Variants in IRS1 observed in about 807,000 individuals in gnomAD.
The protein encoded by IRS1 is insulin receptor substrate 1.
In IRS1, 34 loss-of-function variants were observed where a neutral mutation model predicts 65.6. The ratio of observed to expected loss-of-function variants is 0.52; its 90% CI spans 0.39 to 0.69. The LOEUF is 0.69. IRS1 is among the 30% of genes least tolerant of loss of function. The probability of loss-of-function intolerance (pLI) is 0.00; values close to 1 mark genes in which losing one functional copy is unlikely to be tolerated. For missense variants in IRS1, 1,641 were observed against 1,720.2 expected (o/e 0.95, Z 0.81); for synonymous variants, 699 against 683.5 (o/e 1.02, Z -0.35).
rs377130631 is a variant in IRS1 at position 226,732,286 on chromosome 2, G to T, written c.*3986C>A. The T allele has an allele frequency of 6.6e-6, 1 of 151,898 alleles. No homozygotes were observed. Among genetic ancestry groups the T allele is most frequent in the Admixed American group, 6.6e-5 (1 of 15,224 alleles). The allele number at this position is 151,898 out of a possible 1,614,324, so 9.4% of individuals were successfully genotyped here. A position where few individuals can be genotyped will look rare whatever the true frequency, so the allele number is the denominator to read the frequency against. On this transcript the variant is annotated 3_prime_UTR_variant, in exon 2 of 2. Transcript: ENST00000305123. The stretch of plus-strand genomic sequence containing the variant: ...GACCACAAAGATCTTCTGTGGCGCT[G>T]CCTCAGAAAGGACCCATGGCCCCAG...
chr2:226,740,368 A>C lies in IRS1; in HGVS notation c.*22-4118T>G, dbSNP rs544012339. Among the ~76,000 whole-genome samples the C allele has an allele frequency of 5.9e-5, 9 of 152,350 alleles. 1 individual carries two copies. In the South Asian group the frequency reaches 1.9e-3, roughly 32 times the overall value. Reference sequence around the variant, plus strand: ...GTAATTTTTAAAGCATTATCAAATAAGTCAACACTTGAGCAATGCTACTTG... The same window carrying C: ...GTAATTTTTAAAGCATTATCAAATACGTCAACACTTGAGCAATGCTACTTG... On this transcript the variant is annotated intron_variant, in intron 1 of 1. Coordinates refer to ENST00000305123, the MANE Select transcript of IRS1 (RefSeq NM_005544.3).
At chr2:226,786,948 C>G (rs929020527) in intron 1 of IRS1, among the ~76,000 whole-genome samples, 1 of 151,942 alleles carries the variant, frequency 6.6e-6, no homozygotes, top group Admixed American at 6.6e-5. Flanking sequence ...AAGTGTTGGA[C>G]CTTTTCTTCA....
At chr2:226,738,544 A>G (rs1938373771) in intron 1 of IRS1, among the ~76,000 whole-genome samples, 1 of 152,258 alleles carries the variant, frequency 6.6e-6, no homozygotes, top group African/African-American at 2.4e-5. Flanking sequence ...CAAACAAAAA[A>G]GGAAGCATTC....
chr2:226,764,819 A>G (rs1938998026), intron 1 of IRS1, among the ~76,000 whole-genome samples: 1 of 152,196 alleles, frequency 6.6e-6, no homozygotes, highest in Admixed American at 6.5e-5. Context: ...TCAGAAATGG[A>G]CCAGCTGCCT....
rs1939713794 is a variant in IRS1 at position 226,796,055 on chromosome 2, T to TC, written c.2683dup (p.Glu895GlyfsTer6). 5 of 1,613,866 alleles carry TC rather than the reference T, an allele frequency of 3.1e-6. No individual in the cohort carries two copies. Among genetic ancestry groups the TC allele is most frequent in the Non-Finnish European group, 4.2e-6 (5 of 1,180,028 alleles). On this transcript the variant is annotated frameshift_variant, in exon 1 of 2. Coordinates refer to ENST00000305123, the MANE Select transcript of IRS1 (RefSeq NM_005544.3). LOFTEE classifies it high-confidence loss of function. Reference sequence around the variant, plus strand: ...ACTCCCAAATTCAATATTGACATATTCCCCCGGGCTCTTGGGCTCTGGAGG... The same window carrying TC: ...ACTCCCAAATTCAATATTGACATATTCCCCCCGGGCTCTTGGGCTCTGGAGG...
At position 226,799,283 on chromosome 2, in the gene IRS1, C is replaced by T; in HGVS notation, c.-545G>A. 1 of 1,178,316 alleles carries T rather than the reference C, an allele frequency of 8.5e-7. No individual in the cohort carries two copies. The allele number at this position is 1,178,316 out of a possible 1,614,324, so 73.0% of individuals were successfully genotyped here. On this transcript the variant is annotated 5_prime_UTR_variant, in exon 1 of 2. It introduces an in-frame stop codon into an upstream open reading frame of the 5' UTR. Coordinates refer to ENST00000305123, the MANE Select transcript of IRS1 (RefSeq NM_005544.3). The surrounding 1 kb of genome is among the most constrained non-coding windows in gnomAD (Gnocchi z 6.1). ...GTTCTCCCTCCTCCTTCGCCTCCTC[C>T]CACCCCCCAACCGTCCCAGCCGCCA... is the stretch of plus-strand genomic sequence containing the variant.
intron 1 of IRS1, among the ~76,000 whole-genome samples, chr2:226,767,752 TAATG>T (rs776544267): frequency 1.6e-4 from 24 of 152,188 alleles, no homozygotes; most frequent in Non-Finnish European, 2.8e-4. Context: ...GTGATGCTGG[TAATG>T]AATGTATGAA....
chr2:226,786,785 T>TAA (rs200340976), intron 1 of IRS1, among the ~76,000 whole-genome samples: 10 of 116,266 alleles, frequency 8.6e-5, no homozygotes, highest in South Asian at 2.5e-4. Context: ...CTTGGTAGTC[T>TAA]AAAAAAAAAA....
intron 1 of IRS1, among the ~76,000 whole-genome samples, chr2:226,788,570 A>G (rs1196052205): frequency 6.6e-6 from 1 of 152,180 alleles, no homozygotes; most frequent in Non-Finnish European, 1.5e-5. Context: ...ATCATACATG[A>G]CAGTACCTTA....
intron 1 of IRS1, among the ~76,000 whole-genome samples, chr2:226,737,143 C>T (rs975706629): frequency 7.2e-6 from 1 of 139,756 alleles, no homozygotes; most frequent in African/African-American, 2.7e-5. Context: ...CTTCCTGCAT[C>T]CATGTGATCT....
intron 1 of IRS1, among the ~76,000 whole-genome samples, chr2:226,768,483 A>G (rs1939098889): frequency 6.6e-6 from 1 of 152,222 alleles, no homozygotes; most frequent in Non-Finnish European, 1.5e-5. Flanking sequence ...TAAGCAAATA[A>G]TCATCAATAA....
chr2:226,755,657 G>A (rs1441813583), intron 1 of IRS1, among the ~76,000 whole-genome samples: 6 of 152,210 alleles, frequency 3.9e-5, no homozygotes, highest in Non-Finnish European at 1.5e-5. Flanking sequence ...ACTGGGGGAA[G>A]TCTGTTTCTT....
chr2:226,753,268 ATAAAGGTAC>A (rs1938719169), intron 1 of IRS1, among the ~76,000 whole-genome samples: 1 of 152,224 alleles, frequency 6.6e-6, no homozygotes, highest in Admixed American at 6.5e-5. Context: ...ATCACTGGGT[ATAAAGGTAC>A]TTCCTGTTTT....
At position 226,794,924 on chromosome 2, in the gene IRS1, G is replaced by T; in HGVS notation, c.*21+65C>A. The T allele has an allele frequency of 7.1e-7, 1 of 1,404,006 alleles. No individual in the cohort carries two copies. The highest frequency in any genetic ancestry group is 1.0e-6 in the Non-Finnish European group (1 of 994,486). 87.0% of individuals were successfully genotyped at this position (1,404,006 alleles called of 1,614,324 possible). A position where few individuals can be genotyped will look rare whatever the true frequency, so the allele number is the denominator to read the frequency against. ...AAGAACAGGAAGGGGCAGAGGCGAA[G>T]AACAGAATTCAAGGACAAGGTTAAA... On this transcript the variant is annotated intron_variant, in intron 1 of 1. Coordinates refer to ENST00000305123, the MANE Select transcript of IRS1 (RefSeq NM_005544.3). This position sits in a 1 kb window ranked among gnomAD's most constrained non-coding sequence, Gnocchi z 4.1.
intron 1 of IRS1, among the ~76,000 whole-genome samples, chr2:226,767,575 A>T (rs1939079863): frequency 2.0e-5 from 3 of 152,186 alleles, no homozygotes; most frequent in Non-Finnish European, 4.4e-5. Context: ...AATGATCATA[A>T]CCTGGGTGGC....
At chr2:226,786,747 T>G (rs1263528466) in intron 1 of IRS1, among the ~76,000 whole-genome samples, 1 of 145,108 alleles carries the variant, frequency 6.9e-6, no homozygotes, top group African/African-American at 2.5e-5. Context: ...AAAAATAGTG[T>G]GAAGAGACCC....
chr2:226,753,773 C>G (rs1938736608), intron 1 of IRS1, among the ~76,000 whole-genome samples: 1 of 152,128 alleles, frequency 6.6e-6, no homozygotes. Context: ...TGGCAGTGTT[C>G]TAAAGGGGTT....
chr2:226,778,621 C>T (rs1363408289), intron 1 of IRS1, among the ~76,000 whole-genome samples: 1 of 152,130 alleles, frequency 6.6e-6, no homozygotes, highest in East Asian at 1.9e-4. Context: ...AAAGAAAACT[C>T]TTTACAATAC....
rs775194779 is a variant in IRS1, at chr2:226,797,661, G to C, written c.1078C>G (p.Arg360Gly). The change falls in exon 1 of 2, where the codon CGG becomes GGG. Residue 360 changes from arginine (R) to glycine (G), a missense_variant. Around this residue, in one of 3 missense-constraint regions of IRS1, gnomAD observed 1,324 missense variants for 1,361.0 expected, o/e 0.97. Transcript: ENST00000305123. This position sits in a 1 kb window ranked among gnomAD's most constrained non-coding sequence, Gnocchi z 8.1. ...STNRTHAHRHRGSARLHPPLN... is the reference protein window; with the variant it reads ...STNRTHAHRHGGSARLHPPLN... ...GGGGGGTGCAGCCGGGCGCTGCCCC[G>C]ATGCCGGTGGGCGTGGGTTCTGTTG... 1.3e-6 allele frequency: 2 copies of C among 1,594,574 alleles called. No individual in the cohort carries two copies. Among genetic ancestry groups the C allele is most frequent in the Non-Finnish European group, 1.7e-6 (2 of 1,176,898 alleles).
Sources: allele counts gnomAD v4.1 joint callset (sites outside exome capture counted in the v4.1 genomes callset), GRCh38; gene constraint gnomAD v4.1.1; regional missense constraint gnomAD v4.1.1; non-coding constraint Gnocchi (gnomAD v3.1); transcripts MANE v1.5; gene names NCBI Gene and HGNC (gene_info 2026-07-23, HGNC 2026-07-21).